Variants in DLC1 observed in about 807,000 individuals in gnomAD.
DLC1 encodes rho GTPase-activating protein 7.
Under a neutral mutation model 140.3 loss-of-function variants are expected in DLC1, and 54 were observed. The ratio of observed to expected loss-of-function variants is 0.38; its 90% CI spans 0.31 to 0.48. The LOEUF (loss-of-function observed/expected upper bound fraction) is 0.48, where lower values mean the gene tolerates loss of function less well. Ranked by LOEUF, DLC1 falls within the 20% of genes least tolerant of loss-of-function variation. DLC1 has a pLI of 0.96. For synonymous variants in DLC1, 986 were observed against 728.1 expected, an observed-to-expected ratio of 1.35 and a Z score of -5.70; for missense variants, 2,536 against 1,907.0, an observed-to-expected ratio of 1.33 and a Z score of -6.14.
intron 16 of DLC1, among the ~76,000 whole-genome samples, chr8:13,088,083 T>C (rs1017922240): frequency 2.6e-5 from 4 of 152,244 alleles, no homozygotes; most frequent in African/African-American, 7.2e-5. Context: ...AGCATATGTT[T>C]TGTTTTGTTT....
At chr8:13,280,827 A>G (rs1831340390) in intron 5 of DLC1, among the ~76,000 whole-genome samples, 2 of 152,236 alleles carry the variant, frequency 1.3e-5, no homozygotes, top group Admixed American at 6.5e-5. Context: ...AAAGCTTATT[A>G]AGAGTTAATA....
chr8:13,382,543 A>ACAGATAAG (rs962699512), intron 4 of DLC1, among the ~76,000 whole-genome samples: 6 of 148,374 alleles, frequency 4.0e-5, no homozygotes, highest in Non-Finnish European at 9.0e-5. Flanking sequence ...GAAAGAGGAG[A>ACAGATAAG]CAGATAAGCT....
intron 4 of DLC1, among the ~76,000 whole-genome samples, chr8:13,324,071 G>A (rs1397690451): frequency 6.6e-6 from 1 of 152,200 alleles, no homozygotes; most frequent in East Asian, 1.9e-4. Flanking sequence ...TTAATACAGT[G>A]TCTGACAAAT....
chr8:13,399,436 C>T (rs542730758), intron 3 of DLC1, among the ~76,000 whole-genome samples: 15 of 152,138 alleles, frequency 9.9e-5, no homozygotes, highest in Admixed American at 6.5e-4. Context: ...ATTACTCATC[C>T]TCTCTCTCTG....
intron 2 of DLC1, among the ~76,000 whole-genome samples, chr8:13,429,347 T>A (rs1260476643): frequency 2.0e-5 from 3 of 152,206 alleles, no homozygotes; most frequent in Non-Finnish European, 4.4e-5. Flanking sequence ...CATAGAAGGA[T>A]AAACTGTTGA....
intron 5 of DLC1, among the ~76,000 whole-genome samples, chr8:13,298,557 A>G (rs1832055106): frequency 6.6e-6 from 1 of 152,232 alleles, no homozygotes; most frequent in Admixed American, 6.5e-5. Flanking sequence ...TTCTTAACCT[A>G]GAAAAGTTCA....
At chr8:13,553,322 T>C (rs1803931111) in intron 1 of DLC1, among the ~76,000 whole-genome samples, 1 of 148,346 alleles carries the variant, frequency 6.7e-6, no homozygotes, top group African/African-American at 2.5e-5. Flanking sequence ...TCTCCATGCA[T>C]GTACTATATC....
At chr8:13,570,914 G>A (rs1001224465) in intron 1 of DLC1, among the ~76,000 whole-genome samples, 18 of 152,106 alleles carry the variant, frequency 1.2e-4, no homozygotes, top group Admixed American at 1.2e-3. Context: ...TCCTGCCAGG[G>A]TTAACTCTTT....
At chr8:13,263,309 T>G (rs1373507850) in intron 5 of DLC1, among the ~76,000 whole-genome samples, 1 of 152,194 alleles carries the variant, frequency 6.6e-6, no homozygotes. Context: ...TTTTTCTAAT[T>G]CTCAGATGGT....
intron 1 of DLC1, among the ~76,000 whole-genome samples, chr8:13,569,104 A>T (rs754004804): frequency 1.3e-5 from 2 of 152,208 alleles, no homozygotes. Flanking sequence ...AAGGAATACC[A>T]TGGCATTTTG....
chr8:13,590,142 C>G (rs1368087763), intron 1 of DLC1, among the ~76,000 whole-genome samples: 2 of 150,564 alleles, frequency 1.3e-5, no homozygotes, highest in Non-Finnish European at 3.0e-5. Flanking sequence ...ATATATTTTT[C>G]CATATATGTT....
At chr8:13,130,084 C>T (rs1821952262) in intron 5 of DLC1, among the ~76,000 whole-genome samples, 2 of 152,304 alleles carry the variant, frequency 1.3e-5, no homozygotes, top group South Asian at 4.1e-4. Context: ...TCTTCTGGAC[C>T]AAATCACCCT....
intron 1 of DLC1, among the ~76,000 whole-genome samples, 176 bp downstream of exon 1, chr8:13,514,426 T>C (rs565738604): frequency 2.6e-5 from 4 of 152,348 alleles, no homozygotes; most frequent in Non-Finnish European, 5.9e-5. Flanking sequence ...GACAGTTTGC[T>C]AAAACGAATT....
At chr8:13,178,163 G>A (rs1255271878) in intron 5 of DLC1, among the ~76,000 whole-genome samples, 3 of 152,052 alleles carry the variant, frequency 2.0e-5, no homozygotes, top group Non-Finnish European at 4.4e-5. Context: ...GAAGTGAAAA[G>A]TAAACAATAT....
At chr8:13,378,516 A>G (rs1411948688) in intron 4 of DLC1, among the ~76,000 whole-genome samples, 1 of 152,126 alleles carries the variant, frequency 6.6e-6, no homozygotes, top group South Asian at 2.1e-4. Context: ...CATGGTATAA[A>G]AATGCAATGA....
chr8:13,366,717 C>G (rs1178906525), intron 4 of DLC1, among the ~76,000 whole-genome samples: 1 of 152,146 alleles, frequency 6.6e-6, no homozygotes, highest in Non-Finnish European at 1.5e-5. Context: ...CGGATGCCCT[C>G]TCAGGACTCA....
chr8:13,458,261 G>A (rs1425239461), intron 2 of DLC1, among the ~76,000 whole-genome samples: 2 of 152,114 alleles, frequency 1.3e-5, no homozygotes, highest in Admixed American at 6.6e-5. Context: ...CTTTGATGGA[G>A]CAATTTTGGC....
At chr8:13,565,863 G>T (rs1355974433) in intron 1 of DLC1, among the ~76,000 whole-genome samples, 1 of 152,080 alleles carries the variant, frequency 6.6e-6, no homozygotes, top group Non-Finnish European at 1.5e-5. Context: ...ACTCTACTGT[G>T]TTTTTTAAAT....
chr8:13,259,452 A>T (rs541295697), intron 5 of DLC1, among the ~76,000 whole-genome samples: 10 of 152,324 alleles, frequency 6.6e-5, no homozygotes, highest in African/African-American at 2.2e-4. Context: ...AGTCAATGCA[A>T]ATGATAGATC....
Sources: allele counts gnomAD v4.1 joint callset (sites outside exome capture counted in the v4.1 genomes callset), GRCh38; gene constraint gnomAD v4.1.1; transcripts MANE v1.5; gene names NCBI Gene and HGNC (gene_info 2026-07-23, HGNC 2026-07-21).